RALYL: variants seen among roughly 807,000 people sequenced by gnomAD.
The protein encoded by RALYL is RALY RNA binding protein like.
A neutral mutation model predicts 35.1 loss-of-function variants in RALYL; 29 were observed. The ratio of observed to expected loss-of-function variants is 0.83; its 90% confidence interval spans 0.61 to 1.13. The LOEUF (loss-of-function observed/expected upper bound fraction) is 1.13, where lower values mean the gene tolerates loss of function less well. RALYL is among the 50% of genes most tolerant of loss of function. The pLI, the probability that RALYL is intolerant of heterozygous loss-of-function variation, is 0.00. For missense variants in RALYL, 359 were observed against 360.4 expected, an observed-to-expected ratio of 1.00 and a Z score of 0.03; for synonymous variants, 120 against 127.6, an observed-to-expected ratio of 0.94 and a Z score of 0.40.
At chr8:84,426,022 C>T (rs1258366582) in intron 1 of RALYL, among the ~76,000 whole-genome samples, 1 of 152,004 alleles carries the variant, frequency 6.6e-6, no homozygotes, top group Non-Finnish European at 1.5e-5. Context: ...TAGCTAAAAT[C>T]TCTCTCATAT....
intron 4 of RALYL, among the ~76,000 whole-genome samples, chr8:84,845,813 G>GTTTTTGTATATT (rs1804761847): frequency 6.6e-6 from 1 of 152,108 alleles, no homozygotes; most frequent in African/African-American, 2.4e-5. Flanking sequence ...TCTTGAGTCA[G>GTTTTTGTATATT]TTTTTGTATA....
intron 1 of RALYL, among the ~76,000 whole-genome samples, chr8:84,311,093 G>GAAAAAAAAAAAA (rs1354856646): frequency 1.3e-5 from 1 of 77,218 alleles, no homozygotes; most frequent in African/African-American, 5.4e-5. Flanking sequence ...AAAAAAAAAT[G>GAAAAAAAAAAAA]TATATTAATG....
At chr8:84,813,295 G>C (rs1285361596) in intron 4 of RALYL, among the ~76,000 whole-genome samples, 1 of 152,174 alleles carries the variant, frequency 6.6e-6, no homozygotes, top group Non-Finnish European at 1.5e-5. Context: ...GGAGCACTCT[G>C]CCTCCTTCAG....
chr8:84,376,273 AG>A (rs1856896386), intron 1 of RALYL, among the ~76,000 whole-genome samples: 1 of 151,956 alleles, frequency 6.6e-6, no homozygotes, highest in African/African-American at 2.4e-5. Flanking sequence ...AACATCTGAC[AG>A]TGCTTGACCA....
chr8:84,764,052 T>G (rs1262819334), intron 2 of RALYL, among the ~76,000 whole-genome samples: 3 of 152,234 alleles, frequency 2.0e-5, no homozygotes. Context: ...CTGAGGCATT[T>G]GCCGAGTTTC....
rs536399696 is a variant in RALYL, at chr8:84,305,644, G to A, written c.-24+121220G>A. 2.6e-5 allele frequency among the ~76,000 whole-genome samples: 4 copies of A among 152,226 alleles called. No homozygotes were observed. In the South Asian group the frequency reaches 8.3e-4, roughly 32 times the overall value. On this transcript the variant is annotated intron_variant, in intron 1 of 8. Transcript: ENST00000521268. ...TTAGTAGTATATCACTTTTCATATAGTTTATTTGAAAACTTGTATTCCCTC... is the reference window on the plus strand; with the variant it reads ...TTAGTAGTATATCACTTTTCATATAATTTATTTGAAAACTTGTATTCCCTC...
intron 2 of RALYL, among the ~76,000 whole-genome samples, chr8:84,718,780 GA>G (rs1479273763): frequency 6.6e-6 from 1 of 151,692 alleles, no homozygotes; most frequent in East Asian, 1.9e-4. Flanking sequence ...AAAAGAAAAA[GA>G]AAGAAAAGAA....
At chr8:84,915,544 T>C (rs1447405873) in intron 8 of RALYL, among the ~76,000 whole-genome samples, 1 of 152,118 alleles carries the variant, frequency 6.6e-6, no homozygotes, top group Admixed American at 6.6e-5. Context: ...ACCACGATTA[T>C]CTACAAATAG....
intron 1 of RALYL, among the ~76,000 whole-genome samples, chr8:84,508,047 A>G (rs565033934): frequency 6.6e-6 from 1 of 152,292 alleles, no homozygotes; most frequent in South Asian, 2.1e-4. Flanking sequence ...TCTTTTCACT[A>G]TCATTGTAAA....
chr8:84,827,834 G>A (rs1319611788), intron 4 of RALYL, among the ~76,000 whole-genome samples: 12 of 152,116 alleles, frequency 7.9e-5, no homozygotes, highest in Admixed American at 4.6e-4. Context: ...TAAAAAGTAC[G>A]TTAGATGTCC....
chr8:84,397,265 T>G (rs1586842446), intron 1 of RALYL, among the ~76,000 whole-genome samples: 3 of 152,328 alleles, frequency 2.0e-5, no homozygotes, highest in East Asian at 3.9e-4. Context: ...CCTGTAAGAC[T>G]CCTTTCAGAC....
At chr8:84,516,236 GTGTA>G (rs2058051508) in intron 1 of RALYL, among the ~76,000 whole-genome samples, 1 of 125,150 alleles carries the variant, frequency 8.0e-6, no homozygotes, top group Admixed American at 8.4e-5. Context: ...GGGTTAAAAT[GTGTA>G]TGACATATAC....
chr8:84,880,846 C>G (rs371076035), intron 7 of RALYL, among the ~76,000 whole-genome samples: 1 of 151,918 alleles, frequency 6.6e-6, no homozygotes, highest in African/African-American at 2.4e-5. Flanking sequence ...TTGTGGAAAA[C>G]AGATTTACAT....
chr8:84,609,884 A>C (rs1817916334), intron 2 of RALYL, among the ~76,000 whole-genome samples: 1 of 152,136 alleles, frequency 6.6e-6, no homozygotes, highest in Non-Finnish European at 1.5e-5. Flanking sequence ...AAGACAAAGG[A>C]AAAGCAAAGG....
intron 2 of RALYL, among the ~76,000 whole-genome samples, chr8:84,595,432 T>C (rs1262474143): frequency 1.3e-5 from 2 of 152,156 alleles, no homozygotes; most frequent in Non-Finnish European, 2.9e-5. Flanking sequence ...AAATGACTGA[T>C]GTACAATGAG....
intron 1 of RALYL, among the ~76,000 whole-genome samples, chr8:84,417,130 G>A (rs2044805536): frequency 6.6e-6 from 1 of 151,494 alleles, no homozygotes; most frequent in Non-Finnish European, 1.5e-5. Flanking sequence ...AAAAAAAGAG[G>A]AAACAAGATG....
At chr8:84,535,602 ATTATTTTATTTTATTTTATT>A (rs71273903) in intron 2 of RALYL, among the ~76,000 whole-genome samples, 3 of 138,434 alleles carry the variant, frequency 2.2e-5, no homozygotes, top group South Asian at 2.4e-4. Context: ...CGCCCGGCTA[ATTATTTTATTTTATTTTATT>A]TTATTTTATT....
chr8:84,560,586 A>T (rs1004086432), intron 2 of RALYL, among the ~76,000 whole-genome samples: 2 of 152,076 alleles, frequency 1.3e-5, no homozygotes, highest in Non-Finnish European at 2.9e-5. Flanking sequence ...TCTCTTTGCC[A>T]GAGAATTCTC....
chr8:84,756,832 A>G (rs1811534511), intron 2 of RALYL, among the ~76,000 whole-genome samples: 1 of 151,738 alleles, frequency 6.6e-6, no homozygotes, highest in Non-Finnish European at 1.5e-5. Context: ...ACTTTTCTTT[A>G]CATAATGGAA....
Sources: allele counts gnomAD v4.1 joint callset (sites outside exome capture counted in the v4.1 genomes callset), GRCh38; gene constraint gnomAD v4.1.1; transcripts MANE v1.5; gene names NCBI Gene and HGNC (gene_info 2026-07-23, HGNC 2026-07-21).